The following EYA1 variants were observed in gnomAD, a reference collection of about 807,000 sequenced individuals.
The protein encoded by EYA1 is protein phosphatase EYA1.
Under a neutral mutation model 82.0 loss-of-function variants are expected in EYA1, and 16 were observed. The ratio of observed to expected loss-of-function variants is 0.20; its 90% CI spans 0.13 to 0.30. EYA1 has a LOEUF of 0.30. EYA1 is among the 10% of genes least tolerant of loss of function. The pLI, the probability that EYA1 is intolerant of heterozygous loss-of-function variation, is 1.00. For synonymous variants in EYA1, 261 were observed against 264.4 expected (o/e 0.99, Z 0.12); for missense variants, 633 against 730.7 (o/e 0.87, Z 1.54).
At chr8:71,545,251 T>C (rs531612723) in intron 1 of EYA1, among the ~76,000 whole-genome samples, 2 of 152,236 alleles carry the variant, frequency 1.3e-5, no homozygotes, top group Non-Finnish European at 2.9e-5. Context: ...ACATAGTACA[T>C]GCTCAATAAA....
chr8:71,506,926 T>A (rs1006600987), intron 2 of EYA1, among the ~76,000 whole-genome samples: 42 of 76,580 alleles, frequency 5.5e-4, no homozygotes, highest in African/African-American at 2.5e-3. Context: ...TATAAAGGGC[T>A]AATCTGAACA....
chr8:71,449,432 G>C (rs1391310273), intron 2 of EYA1, among the ~76,000 whole-genome samples: 4 of 152,188 alleles, frequency 2.6e-5, no homozygotes, highest in Non-Finnish European at 5.9e-5. Context: ...TGAGTGACTG[G>C]GAGCATTTCA....
intron 9 of EYA1, among the ~76,000 whole-genome samples, chr8:71,278,092 T>C (rs1414105636): frequency 1.3e-5 from 2 of 152,202 alleles, no homozygotes; most frequent in African/African-American, 2.4e-5. Context: ...TTCCATTTTT[T>C]CCTCAGTTCC....
chr8:71,525,815 T>C (rs1054442148), intron 2 of EYA1, among the ~76,000 whole-genome samples: 1 of 152,162 alleles, frequency 6.6e-6, no homozygotes, highest in African/African-American at 2.4e-5. Flanking sequence ...GGGCTAAAGC[T>C]GCCACACTAG....
At chr8:71,382,929 A>G (rs1184026040) in intron 2 of EYA1, among the ~76,000 whole-genome samples, 2 of 152,134 alleles carry the variant, frequency 1.3e-5, no homozygotes, top group Admixed American at 6.5e-5. Context: ...TGACATGACT[A>G]AATATATGTG....
intron 2 of EYA1, among the ~76,000 whole-genome samples, chr8:71,355,248 T>C (rs1015338268): frequency 6.6e-6 from 1 of 152,224 alleles, no homozygotes; most frequent in Non-Finnish European, 1.5e-5. Flanking sequence ...GTTGTCTTTT[T>C]ATATTAAAAA....
intron 4 of EYA1, among the ~76,000 whole-genome samples, chr8:71,333,598 T>G (rs1586418592): frequency 6.6e-6 from 1 of 152,300 alleles, no homozygotes; most frequent in East Asian, 1.9e-4. Flanking sequence ...TGGAGGCAGG[T>G]TTTATTAATG....
intron 17 of EYA1, among the ~76,000 whole-genome samples, chr8:71,205,170 C>T (rs6472569): frequency 6.6e-6 from 1 of 151,818 alleles, no homozygotes. Context: ...TATTTAATGA[C>T]GCCTTTCTCA....
chr8:71,499,181 G>A lies in EYA1; in HGVS notation c.33+36563C>T, dbSNP rs1563676976. Among the ~76,000 whole-genome samples, 3 of 152,292 alleles carry A rather than the reference G, an allele frequency of 2.0e-5. No homozygotes were observed. The East Asian group carries it at 5.8e-4, about 29-fold the overall frequency. On this transcript the variant is annotated intron_variant, in intron 2 of 18. Coordinates refer to the EYA1 transcript ENST00000643681. ...TACACTTGGTCAAACTCAGCTTCCA[G>A]AGGAAAGTAGACTTGAGTCACCTCT... is the stretch of plus-strand genomic sequence containing the variant.
At chr8:71,365,776 G>A (rs189498017), upstream of EYA1, among the ~76,000 whole-genome samples, 12 of 152,146 alleles carry the variant, frequency 7.9e-5, no homozygotes, top group African/African-American at 2.4e-5. Context: ...CCACCAGCAT[G>A]AGACCTACAA....
chr8:71,534,276 A>G (rs2129286665), intron 2 of EYA1, among the ~76,000 whole-genome samples: 1 of 152,376 alleles, frequency 6.6e-6, no homozygotes, highest in East Asian at 1.9e-4. Flanking sequence ...AAATTCAAAT[A>G]TCACAGACCC....
intron 2 of EYA1, among the ~76,000 whole-genome samples, chr8:71,443,059 G>C (rs1023410062): frequency 2.6e-5 from 4 of 152,136 alleles, no homozygotes; most frequent in Admixed American, 1.3e-4. Flanking sequence ...ACTTATAGCA[G>C]AATCTGCAAC....
chr8:71,525,094 T>C (rs1190430922), intron 2 of EYA1, among the ~76,000 whole-genome samples: 1 of 152,214 alleles, frequency 6.6e-6, no homozygotes, highest in African/African-American at 2.4e-5. Context: ...TATCCTCATT[T>C]TAGAGATGAA....
chr8:71,497,687 T>A (rs1811518163), intron 2 of EYA1, among the ~76,000 whole-genome samples: 2 of 152,068 alleles, frequency 1.3e-5, no homozygotes, highest in South Asian at 4.2e-4. Flanking sequence ...AAAACAGAAC[T>A]ACCCTTTGAT....
At chr8:71,370,798 T>A (rs1338017303) in intron 2 of EYA1, among the ~76,000 whole-genome samples, 2 of 151,592 alleles carry the variant, frequency 1.3e-5, no homozygotes, top group East Asian at 4.0e-4. Context: ...TTTTTTTTTT[T>A]ATTTTACGTA....
At chr8:71,441,220 T>G (rs1806412812) in intron 2 of EYA1, among the ~76,000 whole-genome samples, 2 of 152,156 alleles carry the variant, frequency 1.3e-5, no homozygotes, top group Non-Finnish European at 2.9e-5. Context: ...ATGATCTGCT[T>G]TTGAGTCACT....
chr8:71,461,857 G>A (rs561172993), intron 2 of EYA1, among the ~76,000 whole-genome samples: 1 of 152,140 alleles, frequency 6.6e-6, no homozygotes, highest in East Asian at 1.9e-4. Flanking sequence ...TCCTAGCAGA[G>A]AGAGTAGCTC....
chr8:71,211,009 A>G (rs1318293711), intron 17 of EYA1, 147 bp downstream of exon 17: 1 of 681,094 alleles, frequency 1.5e-6, no homozygotes, highest in Non-Finnish European at 2.7e-6. Flanking sequence ...TATTTATTGA[A>G]TTCTACTTTA....
chr8:71,389,617 C>A (rs150615778), intron 2 of EYA1, among the ~76,000 whole-genome samples: 14 of 152,230 alleles, frequency 9.2e-5, no homozygotes, highest in East Asian at 5.8e-4. Flanking sequence ...GGAAAAAAAT[C>A]TTTCTAACAA....
Sources: allele counts gnomAD v4.1 joint callset (sites outside exome capture counted in the v4.1 genomes callset), GRCh38; gene constraint gnomAD v4.1.1; transcripts MANE v1.5; gene names NCBI Gene and HGNC (gene_info 2026-07-23, HGNC 2026-07-21).